The following ATP9B variants were observed in gnomAD, a reference collection of about 807,000 sequenced individuals.
ATP9B encodes ATPase phospholipid transporting 9B.
Under a neutral mutation model 146.1 loss-of-function variants are expected in ATP9B, and 110 were observed. That is an observed-to-expected ratio of 0.75 (90% confidence interval 0.65 to 0.88). ATP9B has a LOEUF of 0.88. Among genes scored for constraint, ATP9B ranks in the 40% least tolerant of loss-of-function variants. The pLI is 0.00. For missense variants in ATP9B, 1,499 were observed against 1,496.4 expected, an observed-to-expected ratio of 1.00 and a Z score of -0.03; for synonymous variants, 604 against 569.7, an observed-to-expected ratio of 1.06 and a Z score of -0.86.
intron 25 of ATP9B, chr18:79,354,373 A>G (rs1346394708): frequency 6.6e-6 from 1 of 152,122 alleles, no homozygotes; most frequent in African/African-American, 2.4e-5. Context: ...TAGGAGTGTG[A>G]GACCAGCCTG....
intron 1 of ATP9B, among the ~76,000 whole-genome samples, chr18:79,069,971 C>T (rs533349270): frequency 4.5e-4 from 69 of 152,156 alleles, no homozygotes; most frequent in Non-Finnish European, 9.0e-4. Flanking sequence ...AATGACTTCT[C>T]TTCGACATTT....
intron 13 of ATP9B, among the ~76,000 whole-genome samples, chr18:79,278,272 A>G (rs755472274): frequency 2.0e-5 from 3 of 152,212 alleles, no homozygotes; most frequent in Non-Finnish European, 4.4e-5. Flanking sequence ...GCTCGACTTG[A>G]TGCGACTTTG....
intron 7 of ATP9B, among the ~76,000 whole-genome samples, chr18:79,170,238 G>T (rs1223575259): frequency 6.6e-6 from 1 of 152,200 alleles, no homozygotes; most frequent in Non-Finnish European, 1.5e-5. Context: ...CACTGGGCCT[G>T]GGTGGCATCG....
intron 7 of ATP9B, among the ~76,000 whole-genome samples, chr18:79,176,469 ATTTTG>A (rs1400242672): frequency 1.3e-5 from 2 of 152,148 alleles, no homozygotes; most frequent in Non-Finnish European, 2.9e-5. Flanking sequence ...TGTATTTGTT[ATTTTG>A]TTATTATCAA....
At chr18:79,079,741 T>C (rs907586349) in intron 1 of ATP9B, among the ~76,000 whole-genome samples, 2 of 151,506 alleles carry the variant, frequency 1.3e-5, no homozygotes, top group Non-Finnish European at 3.0e-5. Context: ...TCCTGAATGG[T>C]ATTGCCTAGG....
intron 15 of ATP9B, among the ~76,000 whole-genome samples, chr18:79,312,329 G>A (rs992337881): frequency 1.3e-5 from 2 of 152,206 alleles, no homozygotes; most frequent in East Asian, 1.9e-4. Context: ...TAGTCACTCC[G>A]TTACTTTTAT....
intron 16 of ATP9B, 111 bp downstream of exon 16, chr18:79,329,413 C>T: frequency 8.2e-7 from 1 of 1,221,452 alleles, no homozygotes; most frequent in Non-Finnish European, 1.1e-6. Context: ...GTGCTTTATG[C>T]TGTTACAGTT....
intron 14 of ATP9B, among the ~76,000 whole-genome samples, chr18:79,305,618 A>G (rs1384590138): frequency 6.6e-6 from 1 of 152,240 alleles, no homozygotes; most frequent in East Asian, 1.9e-4. Context: ...AAAATTATCT[A>G]TGAATGTAAT....
chr18:79,113,367 T>C lies in ATP9B; in HGVS notation c.558+13T>C. ...CTGGGCTCCTCTGGTAAGAAAAGAC[T>C]TTAAAAATTAAGTTAAATTATGAAA... On this transcript the variant is annotated intron_variant, in intron 4 of 29. Transcript: ENST00000426216. 7.1e-7 allele frequency: 1 copy of C among 1,405,700 alleles called. No homozygotes were observed. The highest frequency in any genetic ancestry group is 9.9e-7 in the Non-Finnish European group (1 of 1,012,836). The allele number at this position is 1,405,700 out of a possible 1,614,324, so 87.1% of individuals were successfully genotyped here.
intron 12 of ATP9B, among the ~76,000 whole-genome samples, chr18:79,276,282 G>C (rs1200515370): frequency 1.3e-5 from 2 of 152,210 alleles, no homozygotes; most frequent in African/African-American, 4.8e-5. Context: ...CCACTCCACT[G>C]CCTCCAGGCA....
intron 7 of ATP9B, among the ~76,000 whole-genome samples, chr18:79,167,060 C>T (rs1010214713): frequency 1.3e-5 from 2 of 152,172 alleles, no homozygotes; most frequent in Non-Finnish European, 2.9e-5. Flanking sequence ...CCCTAGGAGG[C>T]TTGGAGACGC....
intron 9 of ATP9B, among the ~76,000 whole-genome samples, chr18:79,200,765 T>A (rs62101127): frequency 7.8e-5 from 2 of 25,568 alleles, no homozygotes; most frequent in Non-Finnish European, 1.8e-4. Context: ...GTGGGAACGT[T>A]GGGGTCAGAG....
chr18:79,302,464 G>A (rs931429888), intron 13 of ATP9B, among the ~76,000 whole-genome samples: 2 of 152,200 alleles, frequency 1.3e-5, no homozygotes, highest in Admixed American at 6.5e-5. Context: ...ACACCCCCGG[G>A]GACAAGGTGA....
intron 15 of ATP9B, among the ~76,000 whole-genome samples, chr18:79,309,515 T>C (rs12961139): frequency 6.2e-4 from 70 of 113,234 alleles, no homozygotes; most frequent in African/African-American, 2.0e-3. Context: ...AGGAGTGATC[T>C]CCAGCAGGTA....
At chr18:79,181,698 C>T (rs897727035) in intron 8 of ATP9B, among the ~76,000 whole-genome samples, 4 of 152,036 alleles carry the variant, frequency 2.6e-5, no homozygotes, top group African/African-American at 9.7e-5. Flanking sequence ...TTCTGTTAAG[C>T]CCACCCAATG....
chr18:79,173,047 G>A (rs1013972474), intron 7 of ATP9B, among the ~76,000 whole-genome samples: 2 of 152,144 alleles, frequency 1.3e-5, no homozygotes, highest in Admixed American at 6.5e-5. Context: ...TGATGGAAGC[G>A]GTGCTTCCTC....
intron 13 of ATP9B, among the ~76,000 whole-genome samples, chr18:79,288,235 T>C (rs2096464591): frequency 6.7e-6 from 1 of 148,652 alleles, no homozygotes; most frequent in African/African-American, 2.5e-5. Flanking sequence ...TCTCCCATTA[T>C]TATTGTGTGG....
rs187543479 is a variant in ATP9B, at chr18:79,326,494, A to G, written c.1774-2647A>G. Reference sequence around the variant, plus strand: ...CACATGGTGTTAGGGTGTCATCTCTATACCCTCCCTCCCCTCACATGGTGT... The same window carrying G: ...CACATGGTGTTAGGGTGTCATCTCTGTACCCTCCCTCCCCTCACATGGTGT... On this transcript the variant is annotated intron_variant, in intron 15 of 29. Transcript: ENST00000426216. 8.5e-3 allele frequency among the ~76,000 whole-genome samples: 722 copies of G among 84,542 alleles called. 2 individuals are homozygous for G. Among genetic ancestry groups the G allele is most frequent in the Middle Eastern group, 0.031 (3 of 96 alleles). The allele number at this position is 84,542 out of a possible 152,430, so 55.5% of individuals were successfully genotyped here. A position where few individuals can be genotyped will look rare whatever the true frequency, so the allele number is the denominator to read the frequency against.
rs143090683 is a variant in ATP9B, at chr18:79,318,438, C to T, written c.1774-10703C>T. Among the ~76,000 whole-genome samples, 3 of 152,320 alleles carry T rather than the reference C, an allele frequency of 2.0e-5. No homozygotes were observed. In the East Asian group the frequency reaches 5.8e-4, roughly 29 times the overall value. On this transcript the variant is annotated intron_variant, in intron 15 of 29. Transcript: ENST00000426216. ...AAATCATCAGACAAATAAAACTGAGCGATACTTAACAAAATACCCGACCAG... is the reference window on the plus strand; with the variant it reads ...AAATCATCAGACAAATAAAACTGAGTGATACTTAACAAAATACCCGACCAG...
Sources: gnomAD v4.1 joint callset for allele counts (sites outside exome capture counted in the v4.1 genomes callset) on GRCh38, gnomAD v4.1.1 for gene constraint, MANE v1.5 for transcripts, NCBI Gene and HGNC (gene_info 2026-07-23, HGNC 2026-07-21) for gene names.